The following SHANK2 variants were observed in gnomAD, a reference collection of about 807,000 sequenced individuals.
The protein encoded by SHANK2 is SH3 and multiple ankyrin repeat domains protein 2.
A neutral mutation model predicts 133.7 loss-of-function variants in SHANK2; 43 were observed. The ratio of observed to expected loss-of-function variants is 0.32; its 90% confidence interval spans 0.25 to 0.41. SHANK2 has a LOEUF of 0.41. SHANK2 is among the 10% of genes least tolerant of loss of function. The pLI is 1.00. For synonymous variants in SHANK2, 1,017 were observed against 952.8 expected (o/e 1.07, Z -1.24); for missense variants, 1,994 against 2,235.8 (o/e 0.89, Z 2.18).
At position 70,830,999 on chromosome 11, in the gene SHANK2, C is replaced by T. The variant is rs377559636; in HGVS notation, c.1175-10317G>A. On this transcript the variant is annotated intron_variant, in intron 11 of 25. Transcript: ENST00000601538. This position sits in a 1 kb window ranked among gnomAD's most constrained non-coding sequence, Gnocchi z 4.4. ...CTACAACGACCCTGGAGGCTTGTGC[C>T]GGCCACATTCCTACTGAATGCAGAT... Among the ~76,000 whole-genome samples the T allele has an allele frequency of 3.3e-5, 5 of 152,174 alleles. No individual in the cohort carries two copies. Among genetic ancestry groups the T allele is most frequent in the African/African-American group, 7.2e-5 (3 of 41,428 alleles).
intron 3 of SHANK2, among the ~76,000 whole-genome samples, chr11:71,121,903 C>T (rs544748482): frequency 5.3e-5 from 8 of 152,296 alleles, no homozygotes; most frequent in African/African-American, 1.4e-4. Flanking sequence ...AAATGCTCAT[C>T]ATCACTGGTC....
chr11:70,547,893 CA>C (rs1187529879), intron 17 of SHANK2, among the ~76,000 whole-genome samples: 1 of 152,242 alleles, frequency 6.6e-6, no homozygotes. Context: ...GGCTGAGCTT[CA>C]TGGCAGCAGA....
At chr11:71,246,396 ACCC>A (rs145284762) in intron 1 of SHANK2, among the ~76,000 whole-genome samples, 1,740 of 151,856 alleles carry the variant, frequency 0.011, 20 homozygotes, top group Non-Finnish European at 0.017. Context: ...GGGGCAGGAC[ACCC>A]CCAAGTCTGC....
At chr11:71,205,694 G>T (rs191755540) in intron 2 of SHANK2, among the ~76,000 whole-genome samples, 1 of 152,260 alleles carries the variant, frequency 6.6e-6, no homozygotes, top group East Asian at 1.9e-4. Flanking sequence ...GTCTGCTAAT[G>T]CTCCCTCCCC....
chr11:71,069,949 C>T (rs1416586531), intron 9 of SHANK2, among the ~76,000 whole-genome samples: 4 of 152,220 alleles, frequency 2.6e-5, no homozygotes, highest in Non-Finnish European at 5.9e-5. Flanking sequence ...CTGCCCCCTG[C>T]ATGAGTGCCT....
At chr11:70,753,349 G>A (rs1368949028) in intron 14 of SHANK2, among the ~76,000 whole-genome samples, 1 of 151,936 alleles carries the variant, frequency 6.6e-6, no homozygotes, top group Non-Finnish European at 1.5e-5. Context: ...AAAGAACACC[G>A]CACTCAACAA....
At chr11:70,877,798 C>T (rs1046227825) in intron 11 of SHANK2, among the ~76,000 whole-genome samples, 11 of 152,158 alleles carry the variant, frequency 7.2e-5, no homozygotes, top group African/African-American at 2.4e-4. Context: ...AATATAGACA[C>T]GGATAGACGG....
intron 8 of SHANK2, among the ~76,000 whole-genome samples, chr11:71,086,032 T>TATA (rs1174462785): frequency 1.9e-4 from 16 of 85,716 alleles, no homozygotes; most frequent in African/African-American, 7.4e-4. Context: ...TTATATGTTA[T>TATA]ATATATTATA....
intron 14 of SHANK2, among the ~76,000 whole-genome samples, chr11:70,775,518 T>C (rs985227537): frequency 1.3e-5 from 2 of 152,222 alleles, no homozygotes; most frequent in Non-Finnish European, 2.9e-5. Context: ...TTGAGGTATC[T>C]GGAGGTTGCG....
At chr11:70,859,498 GA>G (rs1276229831) in intron 11 of SHANK2, among the ~76,000 whole-genome samples, 2 of 152,062 alleles carry the variant, frequency 1.3e-5, no homozygotes, top group African/African-American at 4.8e-5. Context: ...TGGATGCATG[GA>G]AAGATGGGTA....
At chr11:71,075,968 T>C (rs1442941747) in intron 8 of SHANK2, among the ~76,000 whole-genome samples, 6 of 152,304 alleles carry the variant, frequency 3.9e-5, no homozygotes, top group Non-Finnish European at 8.8e-5. Flanking sequence ...AGTACCTATG[T>C]GCACCCTCAT....
At chr11:71,217,554 T>A (rs1555120168) in intron 2 of SHANK2, among the ~76,000 whole-genome samples, 2 of 151,580 alleles carry the variant, frequency 1.3e-5, no homozygotes, top group Non-Finnish European at 2.9e-5. Context: ...CTTCCAGATG[T>A]TCTAGAGGAA....
chr11:71,135,746 G>C (rs12292090), intron 3 of SHANK2, among the ~76,000 whole-genome samples: 3 of 151,882 alleles, frequency 2.0e-5, no homozygotes, highest in African/African-American at 4.8e-5. Context: ...ATGAGCCACC[G>C]TGCCCAGCCG....
chr11:70,947,093 G>A (rs1008208581), intron 10 of SHANK2, among the ~76,000 whole-genome samples: 5 of 149,208 alleles, frequency 3.4e-5, no homozygotes, highest in African/African-American at 9.9e-5. Context: ...ATCTCCCTGT[G>A]CTGACCCCAA....
chr11:71,098,183 CTGTG>C (rs142216552), intron 6 of SHANK2, among the ~76,000 whole-genome samples: 2,125 of 145,500 alleles, frequency 0.015, 24 homozygotes, highest in Non-Finnish European at 0.021. Context: ...GTGTGCATGC[CTGTG>C]TGTATGTGTA....
At chr11:70,755,670 C>A (rs538120802) in intron 14 of SHANK2, among the ~76,000 whole-genome samples, 1 of 152,102 alleles carries the variant, frequency 6.6e-6, no homozygotes, top group Admixed American at 6.5e-5. Flanking sequence ...TCCTGGAGGC[C>A]GCCCTCGGCT....
intron 17 of SHANK2, among the ~76,000 whole-genome samples, chr11:70,573,001 T>C (rs1359737812): frequency 6.6e-6 from 1 of 152,052 alleles, no homozygotes; most frequent in Non-Finnish European, 1.5e-5. Flanking sequence ...CAAACGCCCA[T>C]CGATCGTGAC....
intron 2 of SHANK2, among the ~76,000 whole-genome samples, chr11:71,151,679 A>T (rs79854660): frequency 0.05 from 7,664 of 152,252 alleles, 392 homozygotes; most frequent in African/African-American, 0.13. Flanking sequence ...AACATCTGAA[A>T]AACGGAGGGC....
At chr11:70,784,898 C>G (rs1947616007) in intron 14 of SHANK2, among the ~76,000 whole-genome samples, 1 of 152,242 alleles carries the variant, frequency 6.6e-6, no homozygotes, top group South Asian at 2.1e-4. Context: ...TGCCTCCCAT[C>G]CATGGACACA....
Sources: allele counts gnomAD v4.1 joint callset (sites outside exome capture counted in the v4.1 genomes callset), GRCh38; gene constraint gnomAD v4.1.1; non-coding constraint Gnocchi (gnomAD v3.1); transcripts MANE v1.5; gene names NCBI Gene and HGNC (gene_info 2026-07-23, HGNC 2026-07-21).